CSMD1: variants seen among roughly 807,000 people sequenced by gnomAD.
CSMD1 encodes the protein CUB and Sushi multiple domains 1, also known as CUB and sushi domain-containing protein 1.
Under a neutral mutation model 417.5 loss-of-function variants are expected in CSMD1, and 213 were observed. That is an observed-to-expected ratio of 0.51 (90% CI 0.46 to 0.57). The LOEUF is 0.57. Among genes scored for constraint, CSMD1 ranks in the 20% least tolerant of loss-of-function variants. The pLI is 0.00. For missense variants in CSMD1, 6,923 were observed against 4,529.7 expected, an observed-to-expected ratio of 1.53 and a Z score of -15.17; for synonymous variants, 2,862 against 1,736.8, an observed-to-expected ratio of 1.65 and a Z score of -16.11.
intron 12 of CSMD1, among the ~76,000 whole-genome samples, chr8:3,416,302 CAAAAAAAAAAAAA>C (rs11358404): frequency 6.8e-5 from 4 of 58,898 alleles, no homozygotes; most frequent in African/African-American, 2.7e-4. Flanking sequence ...GACTCCGTCT[CAAAAAAAAAAAAA>C]AAAAAAAAAA....
intron 3 of CSMD1, among the ~76,000 whole-genome samples, chr8:4,304,913 C>G: frequency 6.6e-6 from 1 of 152,038 alleles, no homozygotes; most frequent in East Asian, 1.9e-4. Context: ...TAAGGTGTAA[C>G]GATGAGATGA....
At chr8:4,090,707 G>A (rs1389031436) in intron 3 of CSMD1, among the ~76,000 whole-genome samples, 2 of 152,106 alleles carry the variant, frequency 1.3e-5, no homozygotes, top group African/African-American at 4.8e-5. Context: ...GGTTCTAGTG[G>A]AGTTTTAAAT....
intron 5 of CSMD1, among the ~76,000 whole-genome samples, chr8:3,853,776 G>A (rs1201953392): frequency 2.6e-5 from 4 of 151,318 alleles, no homozygotes; most frequent in Non-Finnish European, 5.9e-5. Flanking sequence ...GCTAAATGAC[G>A]AGTTACTGGG....
intron 5 of CSMD1, among the ~76,000 whole-genome samples, chr8:3,844,001 G>A (rs1002226719): frequency 2.0e-5 from 3 of 152,098 alleles, no homozygotes; most frequent in African/African-American, 4.8e-5. Flanking sequence ...CTAGCATCCA[G>A]CACTGATAAT....
intron 5 of CSMD1, among the ~76,000 whole-genome samples, chr8:3,859,496 T>C (rs775915812): frequency 5.3e-5 from 8 of 152,222 alleles, no homozygotes; most frequent in Non-Finnish European, 1.0e-4. Flanking sequence ...GCCATACTTA[T>C]ATCTTCGTTT....
intron 18 of CSMD1, among the ~76,000 whole-genome samples, chr8:3,385,409 A>G (rs1402290864): frequency 2.0e-5 from 3 of 151,454 alleles, no homozygotes; most frequent in South Asian, 2.1e-4. Flanking sequence ...GCGGAAATCT[A>G]TTGACCTGTT....
At chr8:4,434,743 C>G (rs1798057526) in intron 2 of CSMD1, among the ~76,000 whole-genome samples, 1 of 152,152 alleles carries the variant, frequency 6.6e-6, no homozygotes, top group African/African-American at 2.4e-5. Context: ...GATTTTGGGA[C>G]TTAGCTCTTA....
At chr8:4,248,162 G>C (rs1353411773) in intron 3 of CSMD1, among the ~76,000 whole-genome samples, 4 of 151,930 alleles carry the variant, frequency 2.6e-5, no homozygotes, top group Non-Finnish European at 1.5e-5. Flanking sequence ...GAAAAAAATT[G>C]CTTTGAAACT....
In CSMD1 at chr8:2,959,515, T is replaced by C. The variant is rs1803280853; in HGVS notation, c.9702+1626A>G. Among the ~76,000 whole-genome samples, 4 of 152,190 alleles carry C rather than the reference T, an allele frequency of 2.6e-5. No individual in the cohort carries two copies. The South Asian group carries it at 8.3e-4, about 32-fold the overall frequency. On this transcript the variant is annotated intron_variant, in intron 62 of 69. Transcript: ENST00000635120. ...TCTCAGGAAGGTCATGGATAACCTG[T>C]ATCATTTACTGGCAGAAAGAAAATA... is the stretch of plus-strand genomic sequence containing the variant.
intron 1 of CSMD1, among the ~76,000 whole-genome samples, chr8:4,817,068 G>A (rs1450588436): frequency 1.3e-5 from 2 of 152,066 alleles, no homozygotes; most frequent in Non-Finnish European, 2.9e-5. Context: ...TGAAGAACTA[G>A]ACCATGTATA....
intron 11 of CSMD1, chr8:3,469,198 T>G (rs1816947061): frequency 6.0e-6 from 1 of 167,298 alleles, no homozygotes; most frequent in Non-Finnish European, 1.3e-5. Context: ...TGACTAGAGA[T>G]GTGCACAGTT....
chr8:3,691,156 C>T (rs1375957378), intron 7 of CSMD1, among the ~76,000 whole-genome samples: 5 of 152,058 alleles, frequency 3.3e-5, no homozygotes, highest in Middle Eastern at 3.2e-3. Context: ...CACCTGAGGT[C>T]AGGAGTTTGA....
intron 1 of CSMD1, among the ~76,000 whole-genome samples, chr8:4,811,168 C>T (rs1190953431): frequency 2.6e-5 from 4 of 152,144 alleles, no homozygotes; most frequent in Non-Finnish European, 5.9e-5. Flanking sequence ...CATCAACCAT[C>T]ACTGCTTCAT....
chr8:4,528,292 C>T (rs1111656), intron 2 of CSMD1, among the ~76,000 whole-genome samples: 146,073 of 152,218 alleles, frequency 0.96, 70,331 homozygotes, highest in Non-Finnish European at 1. Context: ...TCTAGAGAGC[C>T]ATCCATGAAC....
Position 4,022,199 on chromosome 8 carries a change from T to TAA in CSMD1, c.610+9704_610+9705dup, listed in dbSNP as rs1554518717. On this transcript the variant is annotated intron_variant, in intron 4 of 69. Transcript: ENST00000635120. Reference sequence around the variant, plus strand: ...ATATTTATGTGTATATATATATATATAACAATAGCATTGTTATTGGTAATA... The same window carrying TAA: ...ATATTTATGTGTATATATATATATATAAAACAATAGCATTGTTATTGGTAATA... 3.4e-4 allele frequency among the ~76,000 whole-genome samples: 50 copies of TAA among 148,188 alleles called. No homozygotes were observed. The Middle Eastern group carries it at 0.018, about 53-fold the overall frequency.
At chr8:3,779,210 A>G (rs1025915549) in intron 5 of CSMD1, among the ~76,000 whole-genome samples, 1 of 151,480 alleles carries the variant, frequency 6.6e-6, no homozygotes, top group Non-Finnish European at 1.5e-5. Flanking sequence ...GAGGGTGAAT[A>G]AGACAGAACT....
chr8:4,865,355 C>A (rs982098830), intron 1 of CSMD1, among the ~76,000 whole-genome samples: 1 of 151,704 alleles, frequency 6.6e-6, no homozygotes. Context: ...ACGAAATCAG[C>A]AACTGACTTG....
chr8:2,956,908 C>CATATATAT (rs1308482366), intron 63 of CSMD1, among the ~76,000 whole-genome samples: 1 of 151,884 alleles, frequency 6.6e-6, no homozygotes, highest in Non-Finnish European at 1.5e-5. Flanking sequence ...TATATATGTA[C>CATATATAT]ATGTACTATC....
At chr8:4,882,554 G>A (rs888535851) in intron 1 of CSMD1, among the ~76,000 whole-genome samples, 1 of 151,598 alleles carries the variant, frequency 6.6e-6, no homozygotes, top group Non-Finnish European at 1.5e-5. Context: ...CCTCTGCTGA[G>A]GCAACCCCAC....
Sources: gnomAD v4.1 joint callset for allele counts (sites outside exome capture counted in the v4.1 genomes callset) on GRCh38, gnomAD v4.1.1 for gene constraint, MANE v1.5 for transcripts, NCBI Gene and HGNC (gene_info 2026-07-23, HGNC 2026-07-21) for gene names.